The following SLC9A7 variants were observed in gnomAD, a reference collection of about 807,000 sequenced individuals.
SLC9A7 encodes solute carrier family 9 member A7, also known as sodium/hydrogen exchanger 7.
Under a neutral mutation model 52.6 loss-of-function variants are expected in SLC9A7, and 19 were observed. The observed-to-expected ratio is 0.36, with a 90% CI of 0.25 to 0.53. The LOEUF is 0.53. SLC9A7 is among the 20% of genes least tolerant of loss of function. The pLI, the probability that SLC9A7 is intolerant of heterozygous loss-of-function variation, is 0.91. For synonymous variants in SLC9A7, 226 were observed against 252.1 expected (o/e 0.90, Z 0.98); for missense variants, 455 against 597.9 (o/e 0.76, Z 2.49).
chrX:46,751,124 A>C (rs946147183), intron 1 of SLC9A7, among the ~76,000 whole-genome samples: 16 of 111,650 alleles, frequency 1.4e-4, no homozygotes, highest in Non-Finnish European at 1.9e-5. Flanking sequence ...CAGGCTTAGC[A>C]CATAAGTCTT....
intron 1 of SLC9A7, among the ~76,000 whole-genome samples, chrX:46,723,605 A>G (rs778909201): frequency 6.3e-5 from 7 of 111,527 alleles, no homozygotes; most frequent in African/African-American, 2.3e-4. Flanking sequence ...AAGCGGGTCA[A>G]GAAATGTGAT....
intron 1 of SLC9A7, among the ~76,000 whole-genome samples, chrX:46,693,444 T>C (rs1476741250): frequency 9.0e-6 from 1 of 111,528 alleles, no homozygotes; most frequent in East Asian, 2.8e-4. Context: ...TATGGTTAAT[T>C]GATTTTCGAT....
chrX:46,635,692 G>A (rs370399221), intron 12 of SLC9A7, 44 bp from the exon 13 acceptor site: 99 of 1,003,536 alleles, frequency 9.9e-5, no homozygotes, highest in Non-Finnish European at 1.4e-4. Flanking sequence ...AGGGACAACA[G>A]GAGAGCCAGG....
At chrX:46,704,585 CAG>C (rs1272643730) in intron 1 of SLC9A7, among the ~76,000 whole-genome samples, 1 of 112,248 alleles carries the variant, frequency 8.9e-6, no homozygotes, top group East Asian at 2.8e-4. Context: ...TTTACAAAGA[CAG>C]AATAAAATCT....
At chrX:46,670,959 C>T (rs1944009225) in intron 4 of SLC9A7, among the ~76,000 whole-genome samples, 1 of 111,406 alleles carries the variant, frequency 9.0e-6, no homozygotes, top group South Asian at 3.8e-4. Context: ...CAGCCTTTTC[C>T]CCATTTTGCT....
chrX:46,633,546 C>G (rs1943266342), intron 13 of SLC9A7, among the ~76,000 whole-genome samples: 1 of 109,446 alleles, frequency 9.1e-6, no homozygotes, highest in Non-Finnish European at 1.9e-5. Flanking sequence ...ACAAAGAGCC[C>G]CACCCTTGGG....
intron 1 of SLC9A7, among the ~76,000 whole-genome samples, chrX:46,751,606 G>A (rs1556288136): frequency 1.8e-5 from 2 of 110,995 alleles, no homozygotes; most frequent in Non-Finnish European, 3.8e-5. Context: ...GCAGGAGTTC[G>A]AAATCAGCCT....
chrX:46,722,182 TC>T lies in SLC9A7; in HGVS notation c.325+36522del, dbSNP rs368936248. 7.2e-5 allele frequency among the ~76,000 whole-genome samples: 8 copies of T among 111,527 alleles called. No individual in the cohort carries two copies. The South Asian group carries it at 3.0e-3, about 42-fold the overall frequency. The stretch of plus-strand genomic sequence containing the variant: ...ACGTTGCCCCCAAATACAAAGGTGT[TC>T]CACATATAAGTAGCTATGAATGTGG... On this transcript the variant is annotated intron_variant, in intron 1 of 16. Coordinates refer to ENST00000616978, the MANE Select transcript of SLC9A7 (RefSeq NM_001257291.2).
rs1486011365 is a variant in SLC9A7, at chrX:46,613,934, A to G, written c.1824-540T>C. On this transcript the variant is annotated intron_variant, in intron 15 of 16. Coordinates refer to ENST00000616978, the MANE Select transcript of SLC9A7 (RefSeq NM_001257291.2). Reference sequence around the variant, plus strand: ...GCAGAAATTGAGACTTGGCAACATGAAATGATTTCAGTAAGGTTACTCGGA... The same window carrying G: ...GCAGAAATTGAGACTTGGCAACATGGAATGATTTCAGTAAGGTTACTCGGA... Among the ~76,000 whole-genome samples, 23 of 112,063 alleles carry G rather than the reference A, an allele frequency of 2.1e-4. No homozygotes were observed. The Admixed American group carries it at 2.2e-3, about 11-fold the overall frequency.
chrX:46,600,727 G>A lies in SLC9A7; in HGVS notation c.*6225C>T, dbSNP rs898157478. ...GTCTTGTTTTGAAAGGATTGTTGATGAGTCTACTTGCTTTTCCTAGTTAAG... is the reference window on the plus strand; with the variant it reads ...GTCTTGTTTTGAAAGGATTGTTGATAAGTCTACTTGCTTTTCCTAGTTAAG... On this transcript the variant is annotated 3_prime_UTR_variant, in exon 17 of 17. Transcript: ENST00000616978. The A allele has an allele frequency of 9.8e-5, 11 of 112,180 alleles. No homozygotes were observed. Among genetic ancestry groups the A allele is most frequent in the Non-Finnish European group, 1.5e-4 (8 of 53,266 alleles). The allele number at this position is 112,180 out of a possible 1,213,427, so 9.2% of individuals were successfully genotyped here.
At chrX:46,658,038 C>A in intron 7 of SLC9A7, among the ~76,000 whole-genome samples, 1 of 106,580 alleles carries the variant, frequency 9.4e-6, no homozygotes, top group East Asian at 2.9e-4. Context: ...GACCACAGTG[C>A]AATCAAACTA....
intron 12 of SLC9A7, among the ~76,000 whole-genome samples, 173 bp from the exon 13 acceptor site, chrX:46,635,821 A>C (rs1334974345): frequency 1.8e-5 from 2 of 111,698 alleles, no homozygotes; most frequent in Non-Finnish European, 3.8e-5. Flanking sequence ...CTGAGAGGCC[A>C]CTAAATTTAA....
chrX:46,652,154 A>G (rs1943593061), intron 8 of SLC9A7, among the ~76,000 whole-genome samples: 1 of 111,670 alleles, frequency 9.0e-6, no homozygotes, highest in African/African-American at 3.3e-5. Flanking sequence ...ATATACATAT[A>G]TATTTTTTGA....
rs1169630244 is a variant in SLC9A7, at chrX:46,682,960, A to ATTTTTTTT, written c.326-433_326-426dup. Among the ~76,000 whole-genome samples the ATTTTTTTT allele has an allele frequency of 2.3e-3, 146 of 64,865 alleles. 5 individuals carry two copies. Among genetic ancestry groups the ATTTTTTTT allele is most frequent in the South Asian group, 0.021 (21 of 997 alleles). The allele number at this position is 64,865 out of a possible 115,157, so 56.3% of individuals were successfully genotyped here. A position where few individuals can be genotyped will look rare whatever the true frequency, so the allele number is the denominator to read the frequency against. On this transcript the variant is annotated intron_variant, in intron 1 of 16. Transcript: ENST00000616978. ...AGGCACCCACCACTACACCCGGCTA[A>ATTTTTTTT]TTTTTTTTTTTTTTTTTTTTTTGTA...
chrX:46,618,452 G>GA (rs768715015), intron 15 of SLC9A7, among the ~76,000 whole-genome samples: 109 of 110,410 alleles, frequency 9.9e-4, no homozygotes, highest in Admixed American at 1.6e-3. Context: ...TTTTTCTAGA[G>GA]AAAAAATTGC....
intron 4 of SLC9A7, 146 bp from the exon 5 acceptor site, chrX:46,669,865 G>A (rs1909859970): frequency 3.0e-6 from 1 of 330,655 alleles, no homozygotes; most frequent in Non-Finnish European, 5.3e-6. Flanking sequence ...CAGAGACATT[G>A]CCAGCAGGAC....
At position 46,682,308 on chromosome X, in the gene SLC9A7, C is replaced by T. The variant is rs371268604; in HGVS notation, c.525+28G>A. ...CAGGGAATCAACAACCATGTCAGGA[C>T]AAGGATGGCTGAGTGTCCCCAGCTC... On this transcript the variant is annotated intron_variant, in intron 2 of 16. Transcript: ENST00000616978. 1.7e-5 allele frequency: 20 copies of T among 1,191,713 alleles called. No homozygotes were observed. In the African/African-American group the frequency reaches 2.8e-4, roughly 17 times the overall value.
chrX:46,722,589 A>C (rs1298479357), intron 1 of SLC9A7, among the ~76,000 whole-genome samples: 1 of 112,700 alleles, frequency 8.9e-6, no homozygotes, highest in Admixed American at 9.4e-5. Flanking sequence ...TCTGTATTAC[A>C]CATAAAGAAT....
At chrX:46,705,855 A>G (rs961206342) in intron 1 of SLC9A7, among the ~76,000 whole-genome samples, 2 of 110,726 alleles carry the variant, frequency 1.8e-5, no homozygotes, top group South Asian at 7.8e-4. Flanking sequence ...AAAAGAGAAG[A>G]TCCCTACATT....
Sources: gnomAD v4.1 joint callset for allele counts (sites outside exome capture counted in the v4.1 genomes callset) on GRCh38, gnomAD v4.1.1 for gene constraint, MANE v1.5 for transcripts, NCBI Gene and HGNC (gene_info 2026-07-23, HGNC 2026-07-21) for gene names.